Variants in PRRC2B observed in about 807,000 individuals in gnomAD.
The protein encoded by PRRC2B is protein PRRC2B.
PRRC2B carries 68 observed loss-of-function variants against 242.3 expected under a neutral mutation model. That is an observed-to-expected ratio of 0.28 (90% CI 0.23 to 0.34). The LOEUF is 0.34. PRRC2B is among the 10% of genes least tolerant of loss of function. The probability of loss-of-function intolerance (pLI) is 1.00; values close to 1 mark genes in which losing one functional copy is unlikely to be tolerated. For synonymous variants in PRRC2B, 1,228 were observed against 1,173.6 expected (o/e 1.05, Z -0.95); for missense variants, 2,835 against 2,954.8 (o/e 0.96, Z 0.94).
intron 31 of PRRC2B, among the ~76,000 whole-genome samples, chr9:131,495,241 A>G (rs983706383): frequency 6.6e-6 from 1 of 151,872 alleles, no homozygotes; most frequent in Admixed American, 6.6e-5. Context: ...GCCCCAGGGA[A>G]AGGTTACAGA....
chr9:131,475,829 A>G lies in PRRC2B; in HGVS notation c.3700A>G (p.Ser1234Gly). ...SPHWQSKSPG[S>G]SWQEYGPSDT... Reference sequence around the variant, plus strand: ...CCACTGGCAGAGCAAAAGTCCAGGCAGCTCTTGGCAGGAATATGGCCCTTC... The same window carrying G: ...CCACTGGCAGAGCAAAAGTCCAGGCGGCTCTTGGCAGGAATATGGCCCTTC... The change falls in exon 16 of 32, where the codon AGC becomes GGC. Residue 1234 changes from serine to glycine, a missense_variant. By Grantham distance (56) the Ser-to-Gly change is moderately conservative. Transcript: ENST00000683519. 1.2e-6 allele frequency: 2 copies of G among 1,612,824 alleles called. No homozygotes were observed. The highest frequency in any genetic ancestry group is 1.7e-6 in the Non-Finnish European group (2 of 1,178,946).
intron 15 of PRRC2B, among the ~76,000 whole-genome samples, 154 bp from the exon 16 acceptor site, chr9:131,474,300 T>G (rs558286647): frequency 3.1e-4 from 47 of 152,342 alleles, no homozygotes; most frequent in Admixed American, 4.6e-4. Context: ...TTTTTTTGGT[T>G]GTTGTTTTTT....
At chr9:131,422,476 G>A (rs1288984313) in intron 1 of PRRC2B, among the ~76,000 whole-genome samples, 3 of 152,240 alleles carry the variant, frequency 2.0e-5, no homozygotes, top group Non-Finnish European at 4.4e-5. Context: ...GCTTAGCAGG[G>A]TGCCTGGCCC....
chr9:131,451,380 C>T (rs2966372), intron 9 of PRRC2B, among the ~76,000 whole-genome samples: 149,073 of 152,198 alleles, frequency 0.98, 73,087 homozygotes, highest in East Asian at 1. Context: ...GCCTGGGTGA[C>T]AGAGCGAGAC....
chr9:131,485,761 C>T, intron 25 of PRRC2B: 1 of 615,674 alleles, frequency 1.6e-6, no homozygotes, highest in East Asian at 3.7e-5. Context: ...CCAAGGCAGC[C>T]CTGGTTAAAG....
chr9:131,390,514 G>C (rs1237654610), upstream of PRRC2B, among the ~76,000 whole-genome samples: 1 of 96,924 alleles, frequency 1.0e-5, no homozygotes, highest in South Asian at 3.6e-4. Context: ...ACAGAGTCTT[G>C]CTCTGTCGCC....
chr9:131,485,702 C>T (rs1944001803), intron 25 of PRRC2B: 1 of 553,440 alleles, frequency 1.8e-6, no homozygotes, highest in Non-Finnish European at 3.5e-6. Flanking sequence ...TTCTGACCCT[C>T]CACTGTGGAC....
At chr9:131,444,046 C>G (rs1838702412) in intron 5 of PRRC2B, 139 bp from the exon 6 acceptor site, 7 of 931,870 alleles carry the variant, frequency 7.5e-6, no homozygotes, top group Non-Finnish European at 9.7e-6. Context: ...TGGCATCTGC[C>G]AGCACAGAGC....
At chr9:131,439,344 C>T (rs548361069) in intron 5 of PRRC2B, among the ~76,000 whole-genome samples, 24 of 152,178 alleles carry the variant, frequency 1.6e-4, no homozygotes, top group Non-Finnish European at 2.8e-4. Context: ...TTCTAGCATA[C>T]TGTGCTTCAG....
chr9:131,434,400 C>T (rs1397251336), intron 3 of PRRC2B, among the ~76,000 whole-genome samples: 2 of 152,252 alleles, frequency 1.3e-5, no homozygotes, highest in East Asian at 3.8e-4. Flanking sequence ...AGCACGTCCG[C>T]CAGGGAAGAG....
At position 131,487,586 on chromosome 9, in the gene PRRC2B, G is replaced by T. The variant is rs1944062703; in HGVS notation, c.5985-270G>T. 6.6e-6 allele frequency among the ~76,000 whole-genome samples: 1 copy of T among 152,096 alleles called. No individual in the cohort carries two copies. Among genetic ancestry groups the T allele is most frequent in the East Asian group, 1.9e-4 (1 of 5,194 alleles). Reference sequence around the variant, plus strand: ...CTTGACTCCCTGTCTCCTCCCCACCGCGGGCTTCTCCGTCAGTGTGGCTGC... The same window carrying T: ...CTTGACTCCCTGTCTCCTCCCCACCTCGGGCTTCTCCGTCAGTGTGGCTGC... On this transcript the variant is annotated intron_variant, in intron 27 of 31. Coordinates refer to ENST00000683519, the MANE Select transcript of PRRC2B (RefSeq NM_013318.4). This position sits in a 1 kb window ranked among gnomAD's most constrained non-coding sequence, Gnocchi z 5.3.
At chr9:131,470,417 C>T (rs1470453796) in intron 13 of PRRC2B, among the ~76,000 whole-genome samples, 1 of 152,128 alleles carries the variant, frequency 6.6e-6, no homozygotes, top group Non-Finnish European at 1.5e-5. Flanking sequence ...TATTATTTAA[C>T]CTCAGATGGT....
chr9:131,459,535 C>T (rs1159302868), intron 11 of PRRC2B, among the ~76,000 whole-genome samples, 179 bp downstream of exon 11: 2 of 152,170 alleles, frequency 1.3e-5, no homozygotes, highest in Non-Finnish European at 2.9e-5. Flanking sequence ...AACTCCAGCT[C>T]AAGTGATGCC....
intron 5 of PRRC2B, among the ~76,000 whole-genome samples, chr9:131,443,094 ATTTG>A (rs996544101): frequency 4.6e-5 from 7 of 151,622 alleles, no homozygotes; most frequent in Admixed American, 1.3e-4. Context: ...AGAAAGCAGC[ATTTG>A]TTTATTTTAT....
At chr9:131,495,204 A>G (rs2131492354) in intron 31 of PRRC2B, among the ~76,000 whole-genome samples, 1 of 151,248 alleles carries the variant, frequency 6.6e-6, no homozygotes, top group African/African-American at 2.4e-5. Flanking sequence ...AGAGCCACAG[A>G]CCAGGGGAGC....
rs1417304413 is a variant in PRRC2B at position 131,470,937 on chromosome 9, C to T, written c.2061C>T (p.Pro687=). ...MPSYMDPRIT[P]TRTPVDFYPS... is the part of the protein sequence containing the mutation. ...CCTACATGGACCCACGTATCACGCC[C>T]ACTCGGACCCCGGTGGACTTCTACC... Residue 687 remains proline (P), a synonymous_variant, in exon 14 of 32, where the codon CCC becomes CCT. Coordinates refer to ENST00000683519, the MANE Select transcript of PRRC2B (RefSeq NM_013318.4). 2 of 1,612,576 alleles carry T rather than the reference C, an allele frequency of 1.2e-6. No individual in the cohort carries two copies. Among genetic ancestry groups the T allele is most frequent in the South Asian group, 1.1e-5 (1 of 91,026 alleles).
intron 3 of PRRC2B, among the ~76,000 whole-genome samples, chr9:131,434,379 A>G (rs566730467): frequency 9.9e-5 from 15 of 152,270 alleles, no homozygotes; most frequent in Non-Finnish European, 1.8e-4. Context: ...AGTGAGGGCT[A>G]GTTGTGCTGG....
At chr9:131,486,271 G>A (rs1944021997) in intron 26 of PRRC2B, 89 bp downstream of exon 26, 1 of 971,808 alleles carries the variant, frequency 1.0e-6, no homozygotes, top group African/African-American at 1.6e-5. Context: ...ATTTCTCATT[G>A]TCTGTCTGGT....
At position 131,476,315 on chromosome 9, in the gene PRRC2B, G is replaced by A. The variant is rs563511922; in HGVS notation, c.4186G>A (p.Glu1396Lys). ...RRERREGPGS[E>K]PDSQVDGGLS... Reference sequence around the variant, plus strand: ...GGAGCGGCGGGAAGGCCCTGGGTCCGAGCCCGACTCCCAGGTGGATGGTGG... The same window carrying A: ...GGAGCGGCGGGAAGGCCCTGGGTCCAAGCCCGACTCCCAGGTGGATGGTGG... The change falls in exon 16 of 32, where the codon GAG (glutamate) becomes AAG (lysine). Residue 1396 changes from glutamate (E) to lysine (K), a missense_variant. Coordinates refer to ENST00000683519, the MANE Select transcript of PRRC2B (RefSeq NM_013318.4). 108 of 1,579,700 alleles carry A rather than the reference G, an allele frequency of 6.8e-5. No individual in the cohort carries two copies. The highest frequency in any genetic ancestry group is 1.4e-4 in the South Asian group (12 of 87,158).
Sources: gnomAD v4.1 joint callset for allele counts (sites outside exome capture counted in the v4.1 genomes callset) on GRCh38, gnomAD v4.1.1 for gene constraint, Gnocchi (gnomAD v3.1) non-coding constraint, MANE v1.5 for transcripts, NCBI Gene and HGNC (gene_info 2026-07-23, HGNC 2026-07-21) for gene names.